Variants in YEATS2 observed in about 807,000 individuals in gnomAD.
The protein encoded by YEATS2 is YEATS domain-containing protein 2.
A neutral mutation model predicts 163.2 loss-of-function variants in YEATS2; 77 were observed. The ratio of observed to expected loss-of-function variants is 0.47; its 90% CI spans 0.39 to 0.57. YEATS2 has a LOEUF of 0.57. Among genes scored for constraint, YEATS2 ranks in the 20% least tolerant of loss-of-function variants. YEATS2 has a pLI of 0.00. For synonymous variants in YEATS2, 631 were observed against 645.1 expected (o/e 0.98, Z 0.33); for missense variants, 1,549 against 1,729.8 (o/e 0.90, Z 1.85).
rs531479985 is a variant in YEATS2 at position 183,750,120 on chromosome 3, G to A, written c.970-1953G>A. On this transcript the variant is annotated intron_variant, in intron 9 of 30. Coordinates refer to ENST00000305135, the MANE Select transcript of YEATS2 (RefSeq NM_018023.5). ...ATTATAGGCATGAGCCACCGCGCCC[G>A]GCCTACTTGTTTATTTTTTGTAGAG... 2.6e-4 allele frequency among the ~76,000 whole-genome samples: 39 copies of A among 151,992 alleles called. No individual in the cohort carries two copies. The South Asian group carries it at 6.2e-3, about 24-fold the overall frequency.
intron 15 of YEATS2, among the ~76,000 whole-genome samples, chr3:183,763,741 C>T (rs1721612439): frequency 6.6e-6 from 1 of 152,108 alleles, no homozygotes; most frequent in African/African-American, 2.4e-5. Flanking sequence ...ATTACCTCAA[C>T]TTTTGGCAGG....
intron 21 of YEATS2, chr3:183,793,185 C>A (rs567727196): frequency 7.8e-7 from 1 of 1,285,962 alleles, no homozygotes; most frequent in South Asian, 1.2e-5. Flanking sequence ...GATACACACA[C>A]ACACTCACGC....
intron 30 of YEATS2, 125 bp downstream of exon 30, chr3:183,809,295 CT>C: frequency 1.1e-6 from 1 of 948,434 alleles, no homozygotes; most frequent in Non-Finnish European, 1.7e-6. Context: ...TTAGGACACT[CT>C]TAGAGCCAGA....
chr3:183,761,376 C>T (rs566844909), intron 13 of YEATS2, 131 bp from the exon 14 acceptor site: 95 of 869,232 alleles, frequency 1.1e-4, no homozygotes, highest in Admixed American at 3.7e-4. Flanking sequence ...CGTGAGCTAC[C>T]GCACCCAGCC....
chr3:183,807,346 C>T (rs981319989), intron 28 of YEATS2: 29 of 453,336 alleles, frequency 6.4e-5, no homozygotes, highest in Non-Finnish European at 9.3e-5. Flanking sequence ...GCTTGTTGAA[C>T]GCAGACGTGA....
intron 24 of YEATS2, 197 bp from the exon 25 acceptor site, chr3:183,801,258 C>G (rs1180989210): frequency 1.8e-5 from 8 of 441,634 alleles, no homozygotes; most frequent in African/African-American, 1.6e-4. Flanking sequence ...TTAGTCTTGA[C>G]ATTTTCTTTT....
At chr3:183,750,553 G>A (rs966957641) in intron 9 of YEATS2, among the ~76,000 whole-genome samples, 2 of 152,096 alleles carry the variant, frequency 1.3e-5, no homozygotes, top group African/African-American at 4.8e-5. Context: ...CAGTGCACAC[G>A]TATTCCAGTT....
At chr3:183,715,491 T>G (rs1269327976) in intron 2 of YEATS2, among the ~76,000 whole-genome samples, 1 of 151,948 alleles carries the variant, frequency 6.6e-6, no homozygotes. Context: ...CGAGACAAAC[T>G]GTGAGTTTTA....
Position 183,736,759 on chromosome 3 carries a change from T to G in YEATS2, c.854T>G (p.Phe285Cys). Residue 285 changes from phenylalanine to cysteine, a missense_variant, in exon 8 of 31, where the codon TTT (phenylalanine) becomes TGT (cysteine). Physicochemically the swap from Phe to Cys is radical, Grantham distance 205. Transcript: ENST00000305135. ...CTGACCAGAAGAGGCTGGGGTGAGT[T>G]TCCCGTCAGAGTTCAAGTTCATTTT... ...FHLTRRGWGE[F>C]PVRVQVHFKD... The G allele has an allele frequency of 1.2e-6, 2 of 1,614,014 alleles. No individual in the cohort carries two copies. The highest frequency in any genetic ancestry group is 1.7e-6 in the Non-Finnish European group (2 of 1,179,970).
chr3:183,798,768 C>T lies in YEATS2; in HGVS notation c.3227-123C>T, dbSNP rs1268396158. On this transcript the variant is annotated intron_variant, in intron 22 of 30. Coordinates refer to ENST00000305135, the MANE Select transcript of YEATS2 (RefSeq NM_018023.5). ...CTATTAAAAAGGGACTTTGCAATTC[C>T]TGTTGTCCTCAAGTTGCCTTTGTGC... is the stretch of plus-strand genomic sequence containing the variant. 2.8e-5 allele frequency: 20 copies of T among 720,564 alleles called. No homozygotes were observed. The East Asian group carries it at 5.2e-4, about 19-fold the overall frequency. 44.6% of individuals were successfully genotyped at this position (720,564 alleles called of 1,614,324 possible).
At chr3:183,715,672 C>G (rs992747183) in intron 2 of YEATS2, among the ~76,000 whole-genome samples, 28 of 152,138 alleles carry the variant, frequency 1.8e-4, no homozygotes, top group African/African-American at 6.5e-4. Context: ...AGTTCCATAG[C>G]TACAAGGATA....
intron 1 of YEATS2, among the ~76,000 whole-genome samples, chr3:183,698,933 G>A (rs774215322): frequency 1.3e-5 from 2 of 152,150 alleles, no homozygotes; most frequent in Non-Finnish European, 2.9e-5. Context: ...TCCTGTTTGT[G>A]TATACTCTTT....
chr3:183,765,320 C>T (rs1042607433), intron 15 of YEATS2, among the ~76,000 whole-genome samples: 5 of 152,154 alleles, frequency 3.3e-5, no homozygotes, highest in East Asian at 1.9e-4. Flanking sequence ...TGGATAAGTT[C>T]GTTTCCATTT....
Position 183,777,613 on chromosome 3 carries a change from A to G in YEATS2, c.2649A>G (p.Gln883=), listed in dbSNP as rs553636661. The stretch of plus-strand genomic sequence containing the variant: ...AACTCACCACTGGGTCAGTGGTCCA[A>G]GGAACACTGGGAGTCAGCACATCTT... The part of the protein sequence containing the change: ...GKQLTTGSVV[Q]GTLGVSTSSA... The change falls in exon 19 of 31, where the codon CAA becomes CAG. Residue 883 remains glutamine (Q), a synonymous_variant. Coordinates refer to ENST00000305135, the MANE Select transcript of YEATS2 (RefSeq NM_018023.5). 14 of 1,614,172 alleles carry G rather than the reference A, an allele frequency of 8.7e-6. No individual in the cohort carries two copies. The Admixed American group carries it at 2.0e-4, about 23-fold the overall frequency.
At position 183,802,952 on chromosome 3, in the gene YEATS2, TGGC is replaced by T. The variant is rs1163715810; in HGVS notation, c.3503-301_3503-299del. 7 of 287,966 alleles carry T rather than the reference TGGC, an allele frequency of 2.4e-5. No individual in the cohort carries two copies. The Admixed American group carries it at 3.4e-4, about 14-fold the overall frequency. 17.8% of individuals were successfully genotyped at this position (287,966 alleles called of 1,614,324 possible). A position where few individuals can be genotyped will look rare whatever the true frequency, so the allele number is the denominator to read the frequency against. Reference sequence around the variant, plus strand: ...CTACCACAACCACCTTGTGAGTTAATGGCGGGTCCAGGGCTCCTAGTGGAGCAC... The same window carrying T: ...CTACCACAACCACCTTGTGAGTTAATGGGTCCAGGGCTCCTAGTGGAGCAC... On this transcript the variant is annotated intron_variant, in intron 25 of 30. Transcript: ENST00000305135.
At chr3:183,708,594 G>A (rs1714863845) in intron 1 of YEATS2, among the ~76,000 whole-genome samples, 1 of 152,144 alleles carries the variant, frequency 6.6e-6, no homozygotes, top group Non-Finnish European at 1.5e-5. Context: ...TTTGGGGCCA[G>A]GGGTGGTGGC....
intron 27 of YEATS2, 173 bp from the exon 28 acceptor site, chr3:183,806,693 C>T: frequency 1.6e-6 from 1 of 643,022 alleles, no homozygotes; most frequent in Non-Finnish European, 2.7e-6. Flanking sequence ...ATGCCTTTCT[C>T]CCTCGTGAAT....
At chr3:183,729,973 AGTCAC>A (rs1717550505) in intron 7 of YEATS2, among the ~76,000 whole-genome samples, 2 of 146,216 alleles carry the variant, frequency 1.4e-5, no homozygotes, top group Admixed American at 1.4e-4. Flanking sequence ...TACAGGTGTG[AGTCAC>A]CATGCCCGGC....
chr3:183,786,241 G>A lies in YEATS2; in HGVS notation c.2853G>A (p.Gly951=), dbSNP rs1724049871. The A allele has an allele frequency of 1.9e-6, 3 of 1,614,062 alleles. No individual in the cohort carries two copies. In the South Asian group the frequency reaches 3.3e-5, roughly 18 times the overall value. Residue 951 remains glycine (G), a synonymous_variant, in exon 20 of 31, where the codon GGG becomes GGA. Coordinates refer to ENST00000305135, the MANE Select transcript of YEATS2 (RefSeq NM_018023.5). ...CCACAATGCTGAGAGTAGCAGGAGG[G>A]GTTATCACAACTGCCACTTCCCCTG... is the stretch of plus-strand genomic sequence containing the variant. ...PGTTMLRVAG[G]VITTATSPAV...
Sources: gnomAD v4.1 joint callset for allele counts (sites outside exome capture counted in the v4.1 genomes callset) on GRCh38, gnomAD v4.1.1 for gene constraint, MANE v1.5 for transcripts, NCBI Gene and HGNC (gene_info 2026-07-23, HGNC 2026-07-21) for gene names.